STARD13: variants seen among roughly 807,000 people sequenced by gnomAD.
STARD13 encodes the protein stAR-related lipid transfer protein 13.
A neutral mutation model predicts 106.4 loss-of-function variants in STARD13; 62 were observed. The ratio of observed to expected loss-of-function variants is 0.58; its 90% confidence interval spans 0.48 to 0.72. The LOEUF is 0.72. Ranked by LOEUF, STARD13 falls within the 30% of genes least tolerant of loss-of-function variation. The pLI, the probability that STARD13 is intolerant of heterozygous loss-of-function variation, is 0.00. For missense variants in STARD13, 1,387 were observed against 1,424.0 expected, an observed-to-expected ratio of 0.97 and a Z score of 0.42; for synonymous variants, 565 against 553.0, an observed-to-expected ratio of 1.02 and a Z score of -0.31.
chr13:33,610,029 A>G, the STARD13 span, among the ~76,000 whole-genome samples: 4 of 151,802 alleles, frequency 2.6e-5, no homozygotes, highest in Non-Finnish European at 4.4e-5. Context: ...TTTTATTGAA[A>G]AGTTTATTAA....
At chr13:33,405,719 A>G in the STARD13 span, among the ~76,000 whole-genome samples, 3 of 152,264 alleles carry the variant, frequency 2.0e-5, no homozygotes, top group East Asian at 1.9e-4. Context: ...AGATATGGGC[A>G]TAGCCCACCC....
At chr13:33,629,565 G>C in the STARD13 span, among the ~76,000 whole-genome samples, 736 of 152,290 alleles carry the variant, frequency 4.8e-3, 4 homozygotes, top group Middle Eastern at 0.014. Flanking sequence ...AAACTAATAT[G>C]CATGTGTTCT....
At chr13:33,256,934 C>T (rs1206561765) in intron 1 of STARD13, among the ~76,000 whole-genome samples, 6 of 152,094 alleles carry the variant, frequency 3.9e-5, no homozygotes, top group East Asian at 1.9e-4. Flanking sequence ...TGCCAGATCT[C>T]GAAGGTAGTC....
the STARD13 span, among the ~76,000 whole-genome samples, chr13:33,499,604 T>TTCTTCTTCTTCTTTC: frequency 7.5e-5 from 3 of 39,900 alleles, 1 homozygote; most frequent in Non-Finnish European, 1.5e-4. Context: ...CTTCTTCTTC[T>TTCTTCTTCTTCTTTC]TTCTTCTTCT....
the STARD13 span, among the ~76,000 whole-genome samples, chr13:33,616,358 T>C: frequency 2.6e-5 from 4 of 152,126 alleles, no homozygotes; most frequent in Admixed American, 2.6e-4. Context: ...GTGAGATCTC[T>C]AGGGACAGCA....
chr13:33,671,288 T>C, the STARD13 span, among the ~76,000 whole-genome samples: 1 of 152,262 alleles, frequency 6.6e-6, no homozygotes, highest in Non-Finnish European at 1.5e-5. Context: ...CCAATTACCA[T>C]ATGGTAGTTA....
In STARD13 at chr13:33,129,596, C is replaced by T. The variant is rs1444334256; in HGVS notation, c.1081G>A (p.Gly361Ser). ...RKCHEANKRG[G>S]MYLEDLDVLA... ...ACATCTAGGTCCTCCAAGTACATGC[C>T]CCCGCGCTTGTTGGCCTCGTGGCAC... Residue 361 changes from glycine to serine, a missense_variant, in exon 5 of 14, where the codon GGC becomes AGC. Coordinates refer to ENST00000336934, the MANE Select transcript of STARD13 (RefSeq NM_178006.4). 2.5e-6 allele frequency: 4 copies of T among 1,614,002 alleles called. No homozygotes were observed. In the East Asian group the frequency reaches 6.7e-5, roughly 27 times the overall value.
chr13:33,264,730 T>C (rs1890811106), intron 1 of STARD13, among the ~76,000 whole-genome samples: 1 of 152,188 alleles, frequency 6.6e-6, no homozygotes, highest in African/African-American at 2.4e-5. Context: ...AGGAGCAGCC[T>C]ATTCTAGAGA....
chr13:33,293,129 T>C (rs1291201392), intron 1 of STARD13, among the ~76,000 whole-genome samples: 2 of 152,190 alleles, frequency 1.3e-5, no homozygotes, highest in African/African-American at 2.4e-5. Context: ...GCTGACTTCC[T>C]CTAAGTGAAG....
the STARD13 span, among the ~76,000 whole-genome samples, chr13:33,399,535 A>T: frequency 2.0e-5 from 3 of 151,860 alleles, no homozygotes; most frequent in African/African-American, 7.3e-5. Flanking sequence ...TGTACTAAAA[A>T]TACAAAAAAA....
At chr13:33,579,300 G>A in the STARD13 span, among the ~76,000 whole-genome samples, 1 of 152,004 alleles carries the variant, frequency 6.6e-6, no homozygotes, top group East Asian at 1.9e-4. Flanking sequence ...TATACACATG[G>A]AATACTACTC....
At chr13:33,350,872 G>A (rs939815364), upstream of STARD13, among the ~76,000 whole-genome samples, 3 of 152,034 alleles carry the variant, frequency 2.0e-5, no homozygotes, top group African/African-American at 7.3e-5. Flanking sequence ...AGAAATCAGG[G>A]GCTGGACCAT....
chr13:33,334,225 G>A (rs2077868844), intron 1 of STARD13, among the ~76,000 whole-genome samples: 1 of 152,154 alleles, frequency 6.6e-6, no homozygotes, highest in African/African-American at 2.4e-5. Context: ...CAACAATTAG[G>A]TTATTTTACT....
chr13:33,131,840 A>G (rs1262937120), intron 4 of STARD13, among the ~76,000 whole-genome samples: 1 of 152,190 alleles, frequency 6.6e-6, no homozygotes, highest in African/African-American at 2.4e-5. Flanking sequence ...CACTTATAAG[A>G]TTGAAGCGGG....
intron 1 of STARD13, among the ~76,000 whole-genome samples, chr13:33,292,938 C>T (rs559396251): frequency 6.6e-6 from 1 of 152,180 alleles, no homozygotes; most frequent in East Asian, 1.9e-4. Flanking sequence ...AATCTAGTCC[C>T]TGCCAACCCC....
chr13:33,654,381 T>C, the STARD13 span, among the ~76,000 whole-genome samples: 1 of 152,190 alleles, frequency 6.6e-6, no homozygotes, highest in South Asian at 2.1e-4. Context: ...GGGTACATAC[T>C]GTATGATTTC....
the STARD13 span, among the ~76,000 whole-genome samples, chr13:33,566,987 C>T: frequency 6.7e-6 from 1 of 148,394 alleles, no homozygotes. Flanking sequence ...TACTCCTCTA[C>T]ACCTTAAACA....
chr13:33,495,419 C>T, the STARD13 span, among the ~76,000 whole-genome samples: 1 of 152,036 alleles, frequency 6.6e-6, no homozygotes, highest in African/African-American at 2.4e-5. Context: ...TGGTACTATT[C>T]GAGAAAGCCT....
intron 4 of STARD13, among the ~76,000 whole-genome samples, chr13:33,135,654 A>G (rs1201278004): frequency 6.6e-6 from 1 of 152,222 alleles, no homozygotes; most frequent in Non-Finnish European, 1.5e-5. Flanking sequence ...TAAAGTAGTA[A>G]GTGAAAAGGA....
Sources: allele counts gnomAD v4.1 joint callset (sites outside exome capture counted in the v4.1 genomes callset), GRCh38; gene constraint gnomAD v4.1.1; transcripts MANE v1.5; gene names NCBI Gene and HGNC (gene_info 2026-07-23, HGNC 2026-07-21).